Variants in ASIC2 observed in about 807,000 individuals in gnomAD.
ASIC2 encodes the protein acid sensing ion channel subunit 2.
ASIC2 carries 25 observed loss-of-function variants against 57.3 expected under a neutral mutation model. The observed-to-expected ratio is 0.44, with a 90% CI of 0.32 to 0.61. The LOEUF (loss-of-function observed/expected upper bound fraction) is 0.61. Ranked by LOEUF, ASIC2 falls within the 20% of genes least tolerant of loss-of-function variation. The pLI, the probability that ASIC2 is intolerant of heterozygous loss-of-function variation, is 0.06. For missense variants in ASIC2, 641 were observed against 738.1 expected (o/e 0.87, Z 1.52); for synonymous variants, 319 against 307.5 (o/e 1.04, Z -0.39).
intron 1 of ASIC2, among the ~76,000 whole-genome samples, chr17:33,612,409 G>C (rs7221496): frequency 1.1e-4 from 16 of 152,060 alleles, no homozygotes; most frequent in African/African-American, 3.9e-4. Flanking sequence ...TGGCAAAAGG[G>C]CGTTTTGGGG....
intron 1 of ASIC2, among the ~76,000 whole-genome samples, chr17:34,128,792 T>C (rs770914942): frequency 3.0e-4 from 46 of 152,186 alleles, no homozygotes; most frequent in Non-Finnish European, 5.1e-4. Flanking sequence ...AGAATGAGGT[T>C]GTGTCAGCAG....
intron 1 of ASIC2, among the ~76,000 whole-genome samples, chr17:33,298,711 C>T (rs967769927): frequency 2.0e-5 from 3 of 152,310 alleles, no homozygotes; most frequent in Non-Finnish European, 4.4e-5. Context: ...TACAGTCCCA[C>T]CAACAGTGTA....
At chr17:33,111,692 T>C (rs2092258731) in intron 2 of ASIC2, among the ~76,000 whole-genome samples, 1 of 151,880 alleles carries the variant, frequency 6.6e-6, no homozygotes. Flanking sequence ...ACCTTACCTC[T>C]CCAGTATTCC....
At chr17:33,632,775 C>G (rs1311864450) in intron 1 of ASIC2, among the ~76,000 whole-genome samples, 1 of 152,156 alleles carries the variant, frequency 6.6e-6, no homozygotes. Flanking sequence ...TCTGACTCTT[C>G]TTGACCAAGC....
At chr17:33,898,587 A>G (rs1315911312) in intron 1 of ASIC2, among the ~76,000 whole-genome samples, 1 of 152,168 alleles carries the variant, frequency 6.6e-6, no homozygotes, top group Non-Finnish European at 1.5e-5. Flanking sequence ...AAACCGGGAA[A>G]TTAACAGTGG....
chr17:33,913,044 C>A (rs889845453), intron 1 of ASIC2, among the ~76,000 whole-genome samples: 2 of 151,852 alleles, frequency 1.3e-5, no homozygotes, highest in African/African-American at 2.4e-5. Context: ...ATTGCTCTAC[C>A]TTTTTGAGCA....
rs376673215 is a variant in ASIC2 at position 34,002,077 on chromosome 17, C to T, written c.555+153901G>A. ...TCCTCTGAAAGTGATGCCATGCCTT[C>T]CAGGCAGCCTTCTCTAACTCAATCA... On this transcript the variant is annotated intron_variant, in intron 1 of 9. Transcript: ENST00000359872. 3 of 152,378 alleles carry T rather than the reference C, an allele frequency of 2.0e-5. No homozygotes were observed. In the East Asian group the frequency reaches 5.8e-4, roughly 29 times the overall value. 9.4% of individuals were successfully genotyped at this position (152,378 alleles called of 1,614,324 possible). A position where few individuals can be genotyped will look rare whatever the true frequency, so the allele number is the denominator to read the frequency against.
At chr17:33,278,396 C>T (rs114531939) in intron 1 of ASIC2, among the ~76,000 whole-genome samples, 2 of 151,816 alleles carry the variant, frequency 1.3e-5, no homozygotes, top group African/African-American at 4.8e-5. Context: ...CTCTGTAGTC[C>T]CAGCTACTTG....
At chr17:33,461,879 C>T in intron 1 of ASIC2, among the ~76,000 whole-genome samples, 1 of 152,152 alleles carries the variant, frequency 6.6e-6, no homozygotes, top group East Asian at 1.9e-4. Flanking sequence ...GCCCCAGTTC[C>T]ATTCACTTTG....
chr17:33,331,736 T>C (rs1231994601), intron 1 of ASIC2, among the ~76,000 whole-genome samples: 2 of 152,244 alleles, frequency 1.3e-5, no homozygotes, highest in Non-Finnish European at 2.9e-5. Context: ...TAGGTATTTC[T>C]ACATGGATAA....
chr17:33,389,192 T>G (rs1909802458), intron 1 of ASIC2, among the ~76,000 whole-genome samples: 1 of 152,050 alleles, frequency 6.6e-6, no homozygotes, highest in Non-Finnish European at 1.5e-5. Context: ...AATCCTGAGC[T>G]CAAAGCAATC....
chr17:33,615,919 C>G (rs1905588513), intron 1 of ASIC2, among the ~76,000 whole-genome samples: 2 of 152,172 alleles, frequency 1.3e-5, no homozygotes, highest in South Asian at 2.1e-4. Context: ...AGACTGGGCT[C>G]TCACGGATCC....
chr17:33,458,694 G>A (rs1280593710), intron 1 of ASIC2, among the ~76,000 whole-genome samples: 2 of 152,186 alleles, frequency 1.3e-5, no homozygotes, highest in Admixed American at 6.5e-5. Flanking sequence ...CATGGTTCAA[G>A]TACTGGTTGG....
At chr17:34,039,908 C>G in intron 1 of ASIC2, 1 of 1,561,802 alleles carries the variant, frequency 6.4e-7, no homozygotes, top group Non-Finnish European at 8.8e-7. Context: ...GCTCCACGCT[C>G]CTCCCTGGAG....
intron 1 of ASIC2, among the ~76,000 whole-genome samples, chr17:33,136,699 T>A (rs1021124946): frequency 2.6e-5 from 4 of 152,220 alleles, no homozygotes; most frequent in Admixed American, 2.6e-4. Context: ...CCATGGCTTC[T>A]CCACTTTCCT....
intron 1 of ASIC2, among the ~76,000 whole-genome samples, chr17:33,246,743 C>T (rs1193009875): frequency 6.6e-6 from 1 of 152,214 alleles, no homozygotes; most frequent in African/African-American, 2.4e-5. Context: ...CCATTTGATT[C>T]CTATAGTCAC....
At chr17:33,962,868 C>T (rs1217321288) in intron 1 of ASIC2, among the ~76,000 whole-genome samples, 1 of 152,160 alleles carries the variant, frequency 6.6e-6, no homozygotes, top group Non-Finnish European at 1.5e-5. Flanking sequence ...TTTCTTGAGG[C>T]TGACCTTAAG....
intron 1 of ASIC2, among the ~76,000 whole-genome samples, chr17:33,416,551 G>GCTA (rs1910847567): frequency 6.6e-6 from 1 of 152,230 alleles, no homozygotes; most frequent in South Asian, 2.1e-4. Context: ...CCTGGGATGA[G>GCTA]CTACTAACCA....
intron 1 of ASIC2, chr17:33,793,969 G>A (rs1030873721): frequency 1.3e-5 from 2 of 152,152 alleles, no homozygotes; most frequent in Non-Finnish European, 2.9e-5. Flanking sequence ...TGAAAACAGA[G>A]ACAGTAAAAC....
Sources: gnomAD v4.1 joint callset for allele counts (sites outside exome capture counted in the v4.1 genomes callset) on GRCh38, gnomAD v4.1.1 for gene constraint, MANE v1.5 for transcripts, NCBI Gene and HGNC (gene_info 2026-07-23, HGNC 2026-07-21) for gene names.